CDCA2: variants seen among roughly 807,000 people sequenced by gnomAD.
CDCA2 encodes the protein cell division cycle associated 2.
A neutral mutation model predicts 67.0 loss-of-function variants in CDCA2; 44 were observed. The ratio of observed to expected loss-of-function variants is 0.66; its 90% CI spans 0.52 to 0.84. CDCA2 has a LOEUF of 0.84. Ranked by LOEUF, CDCA2 falls within the 40% of genes least tolerant of loss-of-function variation. The pLI is 0.00. For synonymous variants in CDCA2, 447 were observed against 418.7 expected (o/e 1.07, Z -0.82); for missense variants, 1,253 against 1,203.2 (o/e 1.04, Z -0.61).
intron 14 of CDCA2, among the ~76,000 whole-genome samples, chr8:25,504,804 C>T (rs1207240243): frequency 6.6e-6 from 1 of 152,106 alleles, no homozygotes; most frequent in Non-Finnish European, 1.5e-5. Context: ...TCTGTTTTTC[C>T]AGGAATACTC....
intron 14 of CDCA2, 37 bp from the exon 15 acceptor site, chr8:25,506,473 T>A (rs533722010): frequency 1.3e-6 from 2 of 1,496,170 alleles, no homozygotes; most frequent in African/African-American, 1.4e-5. Context: ...CCATTGTTAC[T>A]TTTTAATTAG....
chr8:25,478,888 G>GTGTATATATATATATA lies in CDCA2; in HGVS notation c.821-1024_821-1023insGTATATATATATATAT, dbSNP rs1006353040. Among the ~76,000 whole-genome samples the GTGTATATATATATATA allele has an allele frequency of 1.8e-3, 202 of 111,522 alleles. 1 individual carries two copies. The highest frequency in any genetic ancestry group is 7.8e-3 in the African/African-American group (196 of 25,114). 73.2% of individuals were successfully genotyped at this position (111,522 alleles called of 152,430 possible). ...TATATTAACTACTTGTTGTGTGTGT[G>GTGTATATATATATATA]TATATATATATATATATATATATAT... is the stretch of plus-strand genomic sequence containing the variant. On this transcript the variant is annotated intron_variant, in intron 7 of 14. Coordinates refer to ENST00000330560, the MANE Select transcript of CDCA2 (RefSeq NM_152562.4).
In CDCA2 at chr8:25,488,597, A is replaced by T; in HGVS notation, c.1579A>T (p.Thr527Ser). ...AGAGAGTGTTTGCAACTTATTGAAT[A>T]CAGAAGTTCAGCCTTGTAAAGAAAA... ...VEESVCNLLN[T>S]EVQPCKEKKI... Residue 527 changes from threonine (T) to serine (S), a missense_variant, in exon 13 of 15, where the codon ACA (threonine) becomes TCA (serine). Transcript: ENST00000330560. The T allele has an allele frequency of 6.2e-7, 1 of 1,613,228 alleles. No homozygotes were observed. Among genetic ancestry groups the T allele is most frequent in the Admixed American group, 1.7e-5 (1 of 59,888 alleles).
intron 13 of CDCA2, among the ~76,000 whole-genome samples, chr8:25,492,505 A>G (rs916216587): frequency 5.3e-5 from 8 of 152,196 alleles, no homozygotes; most frequent in Admixed American, 4.6e-4. Flanking sequence ...CACATAAGAA[A>G]AAAACGGTAA....
intron 13 of CDCA2, among the ~76,000 whole-genome samples, chr8:25,493,422 A>G (rs1259984810): frequency 1.1e-4 from 16 of 152,200 alleles, no homozygotes; most frequent in African/African-American, 1.7e-4. Flanking sequence ...GGATTGGTGA[A>G]TTTGATATCT....
intron 13 of CDCA2, among the ~76,000 whole-genome samples, chr8:25,502,641 G>A (rs1210920917): frequency 6.6e-6 from 1 of 151,994 alleles, no homozygotes; most frequent in Non-Finnish European, 1.5e-5. Flanking sequence ...GGACCTGGGA[G>A]CATAAAGCAG....
chr8:25,485,707 A>G, intron 10 of CDCA2, 52 bp from the exon 11 acceptor site: 4 of 1,022,666 alleles, frequency 3.9e-6, no homozygotes, highest in Non-Finnish European at 5.9e-6. Flanking sequence ...TGGGCACATT[A>G]TGTATTCACT....
Position 25,506,569 on chromosome 8 carries a change from A to G in CDCA2, c.1903A>G (p.Arg635Gly). The change falls in exon 15 of 15, where the codon AGA becomes GGA. Residue 635 changes from arginine to glycine, a missense_variant. Transcript: ENST00000330560. ...GAAGACTCCTAAAAATCCAGTGAAA[A>G]GAAAGGATCTTTTGCGTCATGACCC... ...EVKTPKNPVKRKDLLRHDPDL... is the reference protein window; with the variant it reads ...EVKTPKNPVKGKDLLRHDPDL... The G allele has an allele frequency of 6.3e-7, 1 of 1,599,838 alleles. No individual in the cohort carries two copies. Among genetic ancestry groups the G allele is most frequent in the Non-Finnish European group, 8.5e-7 (1 of 1,176,552 alleles).
At chr8:25,482,538 T>C (rs942013243) in intron 8 of CDCA2, among the ~76,000 whole-genome samples, 1 of 152,172 alleles carries the variant, frequency 6.6e-6, no homozygotes, top group Non-Finnish European at 1.5e-5. Flanking sequence ...CATCATACCA[T>C]ACATATTAAC....
intron 7 of CDCA2, among the ~76,000 whole-genome samples, chr8:25,472,750 T>C (rs891500833): frequency 1.3e-5 from 2 of 152,236 alleles, no homozygotes. Context: ...TAACTGTATA[T>C]ATTTATGGGG....
chr8:25,491,242 A>G (rs1230784637), intron 13 of CDCA2, among the ~76,000 whole-genome samples: 1 of 152,194 alleles, frequency 6.6e-6, no homozygotes. Context: ...ATAGAATGGG[A>G]GAAGTCATCC....
chr8:25,493,506 C>T (rs1434321367), intron 13 of CDCA2, among the ~76,000 whole-genome samples: 2 of 152,140 alleles, frequency 1.3e-5, no homozygotes, highest in African/African-American at 4.8e-5. Flanking sequence ...AAAGAACAAG[C>T]TTGGGAAAAG....
intron 6 of CDCA2, among the ~76,000 whole-genome samples, chr8:25,469,347 T>C (rs1472960191): frequency 6.6e-6 from 1 of 152,240 alleles, no homozygotes; most frequent in African/African-American, 2.4e-5. Flanking sequence ...TTCAGGTTGA[T>C]GTGAAATCCC....
At chr8:25,482,741 G>A (rs1016742413) in intron 8 of CDCA2, among the ~76,000 whole-genome samples, 5 of 152,092 alleles carry the variant, frequency 3.3e-5, no homozygotes, top group African/African-American at 1.2e-4. Context: ...GTGGTAGTGC[G>A]CACCTGTAGT....
chr8:25,493,599 T>C (rs1804096648), intron 13 of CDCA2, among the ~76,000 whole-genome samples: 1 of 152,196 alleles, frequency 6.6e-6, no homozygotes, highest in Non-Finnish European at 1.5e-5. Context: ...GGAACAGTCT[T>C]CAAAAGATAA....
At position 25,483,505 on chromosome 8, in the gene CDCA2, T is replaced by C; in HGVS notation, c.1120+19T>C. 1 of 1,553,964 alleles carries C rather than the reference T, an allele frequency of 6.4e-7. No individual in the cohort carries two copies. Among genetic ancestry groups the C allele is most frequent in the Non-Finnish European group, 8.8e-7 (1 of 1,131,812 alleles). On this transcript the variant is annotated intron_variant, in intron 9 of 14. Transcript: ENST00000330560. ...GAAGCAGGTAAGAAATTCATACTTGTTTTTAAGCTTGAGGATATCATTTTC... is the reference window on the plus strand; with the variant it reads ...GAAGCAGGTAAGAAATTCATACTTGCTTTTAAGCTTGAGGATATCATTTTC...
At chr8:25,486,606 C>T (rs1803785761) in intron 11 of CDCA2, among the ~76,000 whole-genome samples, 1 of 150,986 alleles carries the variant, frequency 6.6e-6, no homozygotes, top group African/African-American at 2.4e-5. Context: ...AGTTCAAGAC[C>T]AGCCTGGTCA....
At chr8:25,488,461 G>T (rs554482364) in intron 12 of CDCA2, 91 bp from the exon 13 acceptor site, 1 of 1,206,176 alleles carries the variant, frequency 8.3e-7, no homozygotes, top group African/African-American at 1.6e-5. Context: ...AGTGGTAGAA[G>T]CATCCTGGGA....
intron 11 of CDCA2, among the ~76,000 whole-genome samples, chr8:25,487,039 C>T (rs553483284): frequency 3.3e-5 from 5 of 151,174 alleles, no homozygotes; most frequent in East Asian, 3.9e-4. Context: ...TGGAAAGTGG[C>T]GAAAGTTTCT....
Sources: allele counts gnomAD v4.1 joint callset (sites outside exome capture counted in the v4.1 genomes callset), GRCh38; gene constraint gnomAD v4.1.1; transcripts MANE v1.5; gene names NCBI Gene and HGNC (gene_info 2026-07-23, HGNC 2026-07-21).